Variants in SH3BP2 observed in about 807,000 individuals in gnomAD.
SH3BP2 encodes SH3 domain-binding protein 2.
SH3BP2 carries 38 observed loss-of-function variants against 56.2 expected under a neutral mutation model. The ratio of observed to expected loss-of-function variants is 0.68; its 90% CI spans 0.52 to 0.89. The LOEUF is 0.89. Ranked by LOEUF, SH3BP2 falls within the 40% of genes least tolerant of loss-of-function variation. The pLI, the probability that SH3BP2 is intolerant of heterozygous loss-of-function variation, is 0.00. For synonymous variants in SH3BP2, 346 were observed against 316.7 expected (o/e 1.09, Z -0.98); for missense variants, 748 against 762.6 (o/e 0.98, Z 0.23).
intron 1 of SH3BP2, chr4:2,796,251 C>T (rs760774538): frequency 8.5e-5 from 16 of 189,326 alleles, no homozygotes; most frequent in Admixed American, 1.3e-4. Context: ...AAGGGTGACG[C>T]GAGAGAAGCA....
At chr4:2,823,393 A>G (rs1490578540) in intron 3 of SH3BP2, 5 of 467,008 alleles carry the variant, frequency 1.1e-5, no homozygotes, top group South Asian at 7.7e-5. Flanking sequence ...ACCTCTTTCC[A>G]GGCAGCCCAG....
chr4:2,818,673 C>CGGTTGGGCGGGCGG, intron 1 of SH3BP2: 1 of 990,506 alleles, frequency 1.0e-6, no homozygotes, highest in Non-Finnish European at 1.2e-6. Flanking sequence ...GGGCCGGGCG[C>CGGTTGGGCGGGCGG]GGTTGGGCGG....
chr4:2,822,649 C>T (rs1724370694), intron 2 of SH3BP2, among the ~76,000 whole-genome samples: 1 of 152,272 alleles, frequency 6.6e-6, no homozygotes, highest in Admixed American at 6.5e-5. Flanking sequence ...TTGCCTCATG[C>T]TGGCTCCACA....
chr4:2,832,288 G>A (rs760582718), intron 10 of SH3BP2, 43 bp from the exon 11 acceptor site: 2 of 1,526,510 alleles, frequency 1.3e-6, no homozygotes, highest in South Asian at 1.1e-5. Context: ...TGTGAAAGCT[G>A]CCCGAGGAGG....
rs1725187480 is a variant in SH3BP2, at chr4:2,835,124, A to G, written c.*1290A>G. ...AGGTAGGGGCTGGCAGGGACCCTAG[A>G]ATCCTTGTGATTTTTCTTAGCACCT... On this transcript the variant is annotated 3_prime_UTR_variant, in exon 13 of 13. Coordinates refer to ENST00000503393, the MANE Select transcript of SH3BP2 (RefSeq NM_001122681.2). 1 of 152,120 alleles carries G rather than the reference A, an allele frequency of 6.6e-6. No individual in the cohort carries two copies. The highest frequency in any genetic ancestry group is 2.4e-5 in the African/African-American group (1 of 41,388). 9.4% of individuals were successfully genotyped at this position (152,120 alleles called of 1,614,324 possible). A position where few individuals can be genotyped will look rare whatever the true frequency, so the allele number is the denominator to read the frequency against.
Position 2,838,491 on chromosome 4 carries a change from A to G in SH3BP2, c.*4657A>G, listed in dbSNP as rs1179805364. The G allele has an allele frequency of 6.6e-6, 1 of 152,218 alleles. No individual in the cohort carries two copies. Among genetic ancestry groups the G allele is most frequent in the Admixed American group, 6.5e-5 (1 of 15,282 alleles). 9.4% of individuals were successfully genotyped at this position (152,218 alleles called of 1,614,324 possible). A position where few individuals can be genotyped will look rare whatever the true frequency, so the allele number is the denominator to read the frequency against. Reference sequence around the variant, plus strand: ...ATAGTTTGTGCATGTTCATTGCTAAAAACTTCCATTGTTTGGCTGTATCGT... The same window carrying G: ...ATAGTTTGTGCATGTTCATTGCTAAGAACTTCCATTGTTTGGCTGTATCGT... On this transcript the variant is annotated 3_prime_UTR_variant, in exon 13 of 13. Coordinates refer to ENST00000503393, the MANE Select transcript of SH3BP2 (RefSeq NM_001122681.2).
intron 1 of SH3BP2, among the ~76,000 whole-genome samples, chr4:2,813,812 C>T (rs556334995): frequency 2.0e-5 from 3 of 152,178 alleles, no homozygotes; most frequent in East Asian, 1.9e-4. Flanking sequence ...AGTGGGCATG[C>T]GGGAGAATGA....
At chr4:2,832,441 C>T (rs762172843) in intron 11 of SH3BP2, 29 bp downstream of exon 11, 2 of 1,568,364 alleles carry the variant, frequency 1.3e-6, no homozygotes, top group African/African-American at 2.7e-5. Context: ...TGCCCCAGGG[C>T]CCCTCTGGCT....
rs565274002 is a variant in SH3BP2 at position 2,810,700 on chromosome 4, A to G, written c.-4-9914A>G. ...CTCCTTCCAGCAAACTTCCTCCTCT[A>G]TCAAAGCTGGGCCCCTCCTCTGGGA... On this transcript the variant is annotated intron_variant, in intron 1 of 12. Transcript: ENST00000503393. The surrounding 1 kb of genome is among the most constrained non-coding windows in gnomAD (Gnocchi z 4.2). 1.3e-5 allele frequency among the ~76,000 whole-genome samples: 2 copies of G among 151,534 alleles called. No individual in the cohort carries two copies. Among genetic ancestry groups the G allele is most frequent in the East Asian group, 3.9e-4 (2 of 5,094 alleles).
At position 2,829,660 on chromosome 4, in the gene SH3BP2, G is replaced by A. The variant is rs1308552287; in HGVS notation, c.754G>A (p.Glu252Lys). Reference sequence around the variant, plus strand: ...CCTCCCAGATGTTGGCCTGGCTGCTGAGGACTCCAAGAGGGACCCACTGTG... The same window carrying A: ...CCTCCCAGATGTTGGCCTGGCTGCTAAGGACTCCAAGAGGGACCCACTGTG... ...HGLPDVGLAAEDSKRDPLCPR... is the reference protein window; with the variant it reads ...HGLPDVGLAAKDSKRDPLCPR... Residue 252 changes from glutamate to lysine, a missense_variant, in exon 8 of 13, where the codon GAG (glutamate) becomes AAG (lysine). Transcript: ENST00000503393. The surrounding 1 kb of genome is among the most constrained non-coding windows in gnomAD (Gnocchi z 4.9). The A allele has an allele frequency of 6.2e-7, 1 of 1,612,964 alleles. No individual in the cohort carries two copies. Among genetic ancestry groups the A allele is most frequent in the Admixed American group, 1.7e-5 (1 of 59,988 alleles).
rs568332811 is a variant in SH3BP2, at chr4:2,840,234, CAAAAAAAA to C, written c.*6413_*6420del. The stretch of plus-strand genomic sequence containing the variant: ...AGTGAGACCCTATCTCAAAAAAAAC[CAAAAAAAA>C]AAAAAAAAAAAAGAAAACCACTGAA... On this transcript the variant is annotated 3_prime_UTR_variant, in exon 13 of 13. Transcript: ENST00000503393. 1.3e-4 allele frequency: 11 copies of C among 82,832 alleles called. No homozygotes were observed. The Admixed American group carries it at 1.5e-3, about 11-fold the overall frequency. The allele number at this position is 82,832 out of a possible 1,614,324, so 5.1% of individuals were successfully genotyped here.
intron 1 of SH3BP2, among the ~76,000 whole-genome samples, chr4:2,819,752 G>A (rs77954035): frequency 3.5e-3 from 530 of 152,262 alleles, no homozygotes; most frequent in African/African-American, 0.012. Context: ...GGTCTTGATG[G>A]ATGAGTAGAA....
Position 2,839,734 on chromosome 4 carries a change from A to AT in SH3BP2, c.*5916dup, listed in dbSNP as rs562270623. ...AGTCACGCACTTCCATGTCCAGATA[A>AT]TTTTTTTTTTTTTTTTAGAGATAGG... On this transcript the variant is annotated 3_prime_UTR_variant, in exon 13 of 13. Coordinates refer to ENST00000503393, the MANE Select transcript of SH3BP2 (RefSeq NM_001122681.2). 3.6e-3 allele frequency: 504 copies of AT among 140,882 alleles called. 5 individuals carry two copies. Among genetic ancestry groups the AT allele is most frequent in the African/African-American group, 7.9e-3 (306 of 38,728 alleles). 8.7% of individuals were successfully genotyped at this position (140,882 alleles called of 1,614,324 possible). A position where few individuals can be genotyped will look rare whatever the true frequency, so the allele number is the denominator to read the frequency against.
intron 1 of SH3BP2, chr4:2,799,304 A>G (rs1723164821): frequency 1.5e-5 from 15 of 985,162 alleles, no homozygotes; most frequent in Non-Finnish European, 1.8e-5. Context: ...CTGCCTAATG[A>G]GGTGGGATGG....
At position 2,810,211 on chromosome 4, in the gene SH3BP2, C is replaced by T. The variant is rs1723688520; in HGVS notation, c.-4-10403C>T. Among the ~76,000 whole-genome samples, 1 of 152,050 alleles carries T rather than the reference C, an allele frequency of 6.6e-6. No homozygotes were observed. The highest frequency in any genetic ancestry group is 1.9e-4 in the East Asian group (1 of 5,152). ...ACCCAGCAGCCCAGGACTCCCAGCT[C>T]CAGCTTCCCTCTGGGAAGATAGGGT... On this transcript the variant is annotated intron_variant, in intron 1 of 12. Coordinates refer to ENST00000503393, the MANE Select transcript of SH3BP2 (RefSeq NM_001122681.2). This position sits in a 1 kb window ranked among gnomAD's most constrained non-coding sequence, Gnocchi z 4.2.
intron 1 of SH3BP2, chr4:2,812,097 C>A: frequency 8.5e-7 from 1 of 1,178,216 alleles, no homozygotes; most frequent in Non-Finnish European, 1.1e-6. Context: ...CCTCTGACCA[C>A]AGGATGGGAG....
At chr4:2,825,583 C>T (rs1724570299) in intron 5 of SH3BP2, among the ~76,000 whole-genome samples, 1 of 150,340 alleles carries the variant, frequency 6.7e-6, no homozygotes, top group South Asian at 2.1e-4. Context: ...CACAGAGCAA[C>T]ACACAGACAT....
chr4:2,827,042 C>T (rs773829419), intron 5 of SH3BP2, 188 bp from the exon 6 acceptor site: 15 of 686,568 alleles, frequency 2.2e-5, no homozygotes, highest in Non-Finnish European at 2.1e-5. Flanking sequence ...TGTCTGTCAG[C>T]GTATCCGTGT....
chr4:2,838,296 T>G lies in SH3BP2; in HGVS notation c.*4462T>G, dbSNP rs1725304409. 1 of 152,230 alleles carries G rather than the reference T, an allele frequency of 6.6e-6. No individual in the cohort carries two copies. Among genetic ancestry groups the G allele is most frequent in the Non-Finnish European group, 1.5e-5 (1 of 68,040 alleles). The allele number at this position is 152,230 out of a possible 1,614,324, so 9.4% of individuals were successfully genotyped here. On this transcript the variant is annotated 3_prime_UTR_variant, in exon 13 of 13. Transcript: ENST00000503393. ...CTCTCTGCCCTGGCTTATGTGAGTC[T>G]TGTGTTCTTGTTTTTCTAAAAAGTC...
Sources: allele counts gnomAD v4.1 joint callset (sites outside exome capture counted in the v4.1 genomes callset), GRCh38; gene constraint gnomAD v4.1.1; non-coding constraint Gnocchi (gnomAD v3.1); transcripts MANE v1.5; gene names NCBI Gene and HGNC (gene_info 2026-07-23, HGNC 2026-07-21).